The following WDR97 variants were observed in gnomAD, a reference collection of about 807,000 sequenced individuals.
WDR97 encodes WD repeat-containing protein 97.
In WDR97, 111 loss-of-function variants were observed where a neutral mutation model predicts 65.4. The ratio of observed to expected loss-of-function variants is 1.70; its 90% CI spans 1.45 to 1.99. The LOEUF (loss-of-function observed/expected upper bound fraction) is 1.99, where lower values mean the gene tolerates loss of function less well. Among genes scored for constraint, WDR97 ranks in the 30% most tolerant of loss-of-function variants. The probability of loss-of-function intolerance (pLI) is 0.00; values close to 1 mark genes in which losing one functional copy is unlikely to be tolerated. For missense variants in WDR97, 1,674 were observed against 865.0 expected, an observed-to-expected ratio of 1.94 and a Z score of -11.73; for synonymous variants, 802 against 397.7, an observed-to-expected ratio of 2.02 and a Z score of -12.10.
rs1168561492 is a variant in WDR97 at position 144,113,484 on chromosome 8, C to T, written c.3150C>T (p.Ser1050=). 5 of 702,188 alleles carry T rather than the reference C, an allele frequency of 7.1e-6. No individual in the cohort carries two copies. The highest frequency in any genetic ancestry group is 2.0e-5 in the Admixed American group (1 of 49,978). The allele number at this position is 702,188 out of a possible 1,614,324, so 43.5% of individuals were successfully genotyped here. A position where few individuals can be genotyped will look rare whatever the true frequency, so the allele number is the denominator to read the frequency against. ...GCTTCCCCGGCTATGTGCCCAACTC[C>T]GCGGTGCTACAGCAGATGTGGCTAA... The part of the protein sequence containing the change: ...PICFPGYVPN[S]AVLQQMWLNA... Residue 1050 remains serine, a synonymous_variant, in exon 16 of 24, where the codon TCC becomes TCT. Coordinates refer to ENST00000323662, the MANE Select transcript of WDR97 (RefSeq NM_001316309.2).
At chr8:144,113,130 C>A (rs992727044) in intron 15 of WDR97, 1 of 496,290 alleles carries the variant, frequency 2.0e-6, no homozygotes, top group Non-Finnish European at 3.5e-6. Flanking sequence ...ACTTTCTTGT[C>A]CCAGGGCTGG....
chr8:144,112,822 T>G, intron 15 of WDR97: 1 of 497,308 alleles, frequency 2.0e-6, no homozygotes, highest in East Asian at 3.2e-5. Context: ...ACACACCCCT[T>G]TCCCCCGTGG....
Position 144,113,369 on chromosome 8 carries a change from C to T in WDR97, c.3106-71C>T, listed in dbSNP as rs935901354. 14 of 685,612 alleles carry T rather than the reference C, an allele frequency of 2.0e-5. No individual in the cohort carries two copies. In the African/African-American group the frequency reaches 2.3e-4, roughly 11 times the overall value. The allele number at this position is 685,612 out of a possible 1,614,324, so 42.5% of individuals were successfully genotyped here. A position where few individuals can be genotyped will look rare whatever the true frequency, so the allele number is the denominator to read the frequency against. On this transcript the variant is annotated intron_variant, in intron 15 of 23. Transcript: ENST00000323662. The stretch of plus-strand genomic sequence containing the variant: ...GGCTGAGGGGCTCTGAGAGGTTATA[C>T]AGGTGACCAAGGGTGGTGTCCAGGC...
At chr8:144,111,527 GC>G in intron 11 of WDR97, 41 bp downstream of exon 11, 1 of 698,712 alleles carries the variant, frequency 1.4e-6, no homozygotes, top group South Asian at 1.5e-5. Flanking sequence ...CCCGGCTCAG[GC>G]CCCAGCCGTC....
At position 144,112,344 on chromosome 8, in the gene WDR97, T is replaced by C. The variant is rs1188992399; in HGVS notation, c.3016T>C (p.Cys1006Arg). ...GGACCTGCCATCCTCCCACTTGCAG[T>C]GCAGGGTGAGGGACCCAGGCAGGTG... ...ALDLPSSHLQ[C>R]RIPLLPKRWD... Residue 1006 changes from cysteine to arginine, a missense_variant, in exon 14 of 24, where the codon TGC becomes CGC. Transcript: ENST00000323662. 1.4e-6 allele frequency: 1 copy of C among 702,646 alleles called. No homozygotes were observed. Among genetic ancestry groups the C allele is most frequent in the Non-Finnish European group, 2.6e-6 (1 of 384,900 alleles). The allele number at this position is 702,646 out of a possible 1,614,324, so 43.5% of individuals were successfully genotyped here. A position where few individuals can be genotyped will look rare whatever the true frequency, so the allele number is the denominator to read the frequency against.
chr8:144,109,482 G>A lies in WDR97; in HGVS notation c.1148G>A (p.Arg383Gln). The A allele has an allele frequency of 1.4e-6, 1 of 697,436 alleles. No homozygotes were observed. Among genetic ancestry groups the A allele is most frequent in the Non-Finnish European group, 2.6e-6 (1 of 382,508 alleles). 43.2% of individuals were successfully genotyped at this position (697,436 alleles called of 1,614,324 possible). A position where few individuals can be genotyped will look rare whatever the true frequency, so the allele number is the denominator to read the frequency against. ...TTCTGGGGCCAGGACAAGCTGTCCC[G>A]GCGCGTGGGCCGTCTGCTGGCGCCG... Reference protein sequence around the residue: ...LGFWGQDKLSRRVGRLLAPVR... With the variant: ...LGFWGQDKLSQRVGRLLAPVR... The change falls in exon 5 of 24, where the codon CGG becomes CAG. Residue 383 changes from arginine to glutamine, a missense_variant. Coordinates refer to ENST00000323662, the MANE Select transcript of WDR97 (RefSeq NM_001316309.2).
rs1836455909 is a variant in WDR97 at position 144,108,155 on chromosome 8, G to A, written c.209G>A (p.Trp70Ter). 1 of 702,370 alleles carries A rather than the reference G, an allele frequency of 1.4e-6. No homozygotes were observed. Among genetic ancestry groups the A allele is most frequent in the East Asian group, 2.7e-5 (1 of 37,284 alleles). The allele number at this position is 702,370 out of a possible 1,614,324, so 43.5% of individuals were successfully genotyped here. ...LTPRARARRL[W>*]LLLRTSLHEV... Reference sequence around the variant, plus strand: ...CCGCGCGCCCGCGCCCGCCGGCTGTGGCTGCTTCTGCGCACCAGCCTCCAC... The same window carrying A: ...CCGCGCGCCCGCGCCCGCCGGCTGTAGCTGCTTCTGCGCACCAGCCTCCAC... The change falls in exon 2 of 24, where the codon TGG (tryptophan) becomes TAG (stop). Residue 70 changes from tryptophan to a stop codon, truncating the protein, a stop_gained. Transcript: ENST00000323662. LOFTEE classifies it high-confidence loss of function.
At position 144,108,722 on chromosome 8, in the gene WDR97, G is replaced by C. The variant is rs1377794680; in HGVS notation, c.656G>C (p.Ser219Thr). ...RLLLVAEMNSSLALWQFRSGG... is the reference protein window; with the variant it reads ...RLLLVAEMNSTLALWQFRSGG... Reference sequence around the variant, plus strand: ...CTGCTCGTTGCGGAGATGAACAGCAGCCTGGCGCTCTGGCAGTTCCGTTCA... The same window carrying C: ...CTGCTCGTTGCGGAGATGAACAGCACCCTGGCGCTCTGGCAGTTCCGTTCA... The change falls in exon 3 of 24, where the codon AGC (serine) becomes ACC (threonine). Residue 219 changes from serine (S) to threonine (T), a missense_variant. Ser to Thr is a moderately conservative substitution (Grantham distance 58). Coordinates refer to ENST00000323662, the MANE Select transcript of WDR97 (RefSeq NM_001316309.2). 1.4e-6 allele frequency: 1 copy of C among 701,250 alleles called. No homozygotes were observed. Among genetic ancestry groups the C allele is most frequent in the Admixed American group, 2.0e-5 (1 of 50,006 alleles). 43.4% of individuals were successfully genotyped at this position (701,250 alleles called of 1,614,324 possible).
chr8:144,115,559 G>C lies in WDR97; in HGVS notation c.4296G>C (p.Gln1432His), dbSNP rs1836634612. Reference sequence around the variant, plus strand: ...CCAAGCGCAGCTGGGGGACCCCTCAGCTCCGTCTCAGAGTGCTCTCCGAGA... The same window carrying C: ...CCAAGCGCAGCTGGGGGACCCCTCACCTCCGTCTCAGAGTGCTCTCCGAGA... ...LAPKRSWGTP[Q>H]LRLRVLSETL... The change falls in exon 22 of 24, where the codon CAG becomes CAC. Residue 1432 changes from glutamine to histidine, a missense_variant. Physicochemically the swap from Gln to His is conservative, Grantham distance 24. Coordinates refer to ENST00000323662, the MANE Select transcript of WDR97 (RefSeq NM_001316309.2). The C allele has an allele frequency of 1.4e-6, 1 of 696,260 alleles. No individual in the cohort carries two copies. The highest frequency in any genetic ancestry group is 2.0e-5 in the Admixed American group (1 of 49,748). 43.1% of individuals were successfully genotyped at this position (696,260 alleles called of 1,614,324 possible). A position where few individuals can be genotyped will look rare whatever the true frequency, so the allele number is the denominator to read the frequency against.
Position 144,109,656 on chromosome 8 carries a change from C to A in WDR97, c.1322C>A (p.Ser441Ter), listed in dbSNP as rs755488447. ...APALPAPAHQ[S>*]LPTRLVCACA... ...GCGTTGCCCGCGCCTGCGCACCAGT[C>A]GCTGCCTACGCGCCTCGTGTGCGCG... Residue 441 changes from serine to a stop codon, truncating the protein, a stop_gained, in exon 5 of 24, where the codon TCG (serine) becomes TAG (stop). Coordinates refer to ENST00000323662, the MANE Select transcript of WDR97 (RefSeq NM_001316309.2). LOFTEE classifies it high-confidence loss of function. 1.5e-6 allele frequency: 1 copy of A among 669,324 alleles called. No homozygotes were observed. Among genetic ancestry groups the A allele is most frequent in the Non-Finnish European group, 2.7e-6 (1 of 370,424 alleles). The allele number at this position is 669,324 out of a possible 1,614,324, so 41.5% of individuals were successfully genotyped here.
chr8:144,108,323 G>A lies in WDR97; in HGVS notation c.257G>A (p.Arg86Lys), dbSNP rs1419476443. Residue 86 changes from arginine to lysine, a missense_variant, in exon 3 of 24, where the codon AGA becomes AAA. Transcript: ENST00000323662. Reference protein sequence around the residue: ...SLHEVVEKEKRAELRAARLTH... With the variant: ...SLHEVVEKEKKAELRAARLTH... ...GCCCACCCCGGCCCACAGGAGAAGA[G>A]AGCCGAGCTGCGCGCGGCGCGCCTG... 1 of 693,118 alleles carries A rather than the reference G, an allele frequency of 1.4e-6. No homozygotes were observed. Among genetic ancestry groups the A allele is most frequent in the South Asian group, 1.5e-5 (1 of 66,470 alleles). 42.9% of individuals were successfully genotyped at this position (693,118 alleles called of 1,614,324 possible). A position where few individuals can be genotyped will look rare whatever the true frequency, so the allele number is the denominator to read the frequency against.
intron 4 of WDR97, 32 bp from the exon 5 acceptor site, chr8:144,109,303 A>C (rs971025943): frequency 8.6e-6 from 6 of 700,124 alleles, no homozygotes; most frequent in Non-Finnish European, 1.3e-5. Context: ...CCCTGCCTTC[A>C]GTCGGCCGAG....
chr8:144,111,951 C>T lies in WDR97; in HGVS notation c.2702C>T (p.Thr901Ile). Reference protein sequence around the residue: ...SAGTLRVERETRDVCAVPQAA... With the variant: ...SAGTLRVEREIRDVCAVPQAA... ...GGGACCCTCAGAGTGGAGAGAGAGA[C>T]CCGGGATGTGTGTGCTGTACCCCAA... Residue 901 changes from threonine to isoleucine, a missense_variant, in exon 13 of 24, where the codon ACC becomes ATC. Transcript: ENST00000323662. The T allele has an allele frequency of 1.4e-6, 1 of 702,478 alleles. No homozygotes were observed. The highest frequency in any genetic ancestry group is 2.6e-6 in the Non-Finnish European group (1 of 384,936). The allele number at this position is 702,478 out of a possible 1,614,324, so 43.5% of individuals were successfully genotyped here.
intron 16 of WDR97, 43 bp from the exon 17 acceptor site, chr8:144,113,614 T>G: frequency 1.5e-6 from 1 of 656,752 alleles, no homozygotes. Context: ...AGGGCTCTGC[T>G]GTCCTTGCAA....
In WDR97 at chr8:144,109,597, G is replaced by A. The variant is rs1310512711; in HGVS notation, c.1263G>A (p.Leu421=). Residue 421 remains leucine, a synonymous_variant, in exon 5 of 24, where the codon CTG becomes CTA. Transcript: ENST00000323662. ...VRELYSPLAQ[L]PAKVLHVQVA... is the part of the protein sequence containing the mutation. The stretch of plus-strand genomic sequence containing the variant: ...AGCTCTACTCGCCGTTGGCGCAACT[G>A]CCCGCCAAGGTGCTCCACGTGCAGG... The A allele has an allele frequency of 4.3e-6, 3 of 689,832 alleles. No homozygotes were observed. The South Asian group carries it at 4.5e-5, about 10-fold the overall frequency. 42.7% of individuals were successfully genotyped at this position (689,832 alleles called of 1,614,324 possible). A position where few individuals can be genotyped will look rare whatever the true frequency, so the allele number is the denominator to read the frequency against.
In WDR97 at chr8:144,115,545, T is replaced by G. The variant is rs2130117266; in HGVS notation, c.4282T>G (p.Trp1428Gly). The G allele has an allele frequency of 1.4e-6, 1 of 697,104 alleles. No homozygotes were observed. Among genetic ancestry groups the G allele is most frequent in the African/African-American group, 1.7e-5 (1 of 57,244 alleles). 43.2% of individuals were successfully genotyped at this position (697,104 alleles called of 1,614,324 possible). Residue 1428 changes from tryptophan (W) to glycine (G), a missense_variant, in exon 22 of 24, where the codon TGG becomes GGG. Coordinates refer to ENST00000323662, the MANE Select transcript of WDR97 (RefSeq NM_001316309.2). ...GCGGATGCTGGCACCCAAGCGCAGC[T>G]GGGGGACCCCTCAGCTCCGTCTCAG... Reference protein sequence around the residue: ...AQRMLAPKRSWGTPQLRLRVL... With the variant: ...AQRMLAPKRSGGTPQLRLRVL...
At chr8:144,113,246 G>A (rs899674921) in intron 15 of WDR97, 194 bp from the exon 16 acceptor site, 7 of 597,380 alleles carry the variant, frequency 1.2e-5, no homozygotes, top group Admixed American at 3.0e-5. Flanking sequence ...TGAGGGCCTC[G>A]CCCCTGGTAT....
At position 144,116,217 on chromosome 8, in the gene WDR97, T is replaced by C; in HGVS notation, c.4793T>C (p.Leu1598Pro). The C allele has an allele frequency of 1.5e-6, 1 of 685,740 alleles. No homozygotes were observed. Among genetic ancestry groups the C allele is most frequent in the Non-Finnish European group, 2.7e-6 (1 of 375,996 alleles). 42.5% of individuals were successfully genotyped at this position (685,740 alleles called of 1,614,324 possible). ...PLDWPMPPRP[L>P]PPRLLQPALQ... ...GACTGGCCTATGCCCCCGCGCCCGC[T>C]GCCCCCGCGGCTCCTGCAGCCGGCC... is the stretch of plus-strand genomic sequence containing the variant. The change falls in exon 24 of 24, where the codon CTG (leucine) becomes CCG (proline). Residue 1598 changes from leucine to proline, a missense_variant. Coordinates refer to ENST00000323662, the MANE Select transcript of WDR97 (RefSeq NM_001316309.2).
rs377288212 is a variant in WDR97 at position 144,111,430 on chromosome 8, G to A, written c.2431G>A (p.Ala811Thr). 420 of 702,800 alleles carry A rather than the reference G, an allele frequency of 6.0e-4. 2 individuals are homozygous for A. The African/African-American group carries it at 6.2e-3, about 10-fold the overall frequency. The allele number at this position is 702,800 out of a possible 1,614,324, so 43.5% of individuals were successfully genotyped here. A position where few individuals can be genotyped will look rare whatever the true frequency, so the allele number is the denominator to read the frequency against. The change falls in exon 11 of 24, where the codon GCC becomes ACC. Residue 811 changes from alanine to threonine, a missense_variant. By Grantham distance (58) the Ala-to-Thr change is moderately conservative. Coordinates refer to ENST00000323662, the MANE Select transcript of WDR97 (RefSeq NM_001316309.2). ...TGTGCCTGTCCCTGTTTGCAGCGAG[G>A]CCTTGTCTCTCATCCATCGTCGGAG... ...NLHGAASLSE[A>T]LSLIHRRRAT...
Sources: allele counts gnomAD v4.1 joint callset, GRCh38; gene constraint gnomAD v4.1.1; transcripts MANE v1.5; gene names NCBI Gene and HGNC (gene_info 2026-07-23, HGNC 2026-07-21).